The following CDK9 variants were observed in gnomAD, a reference collection of about 807,000 sequenced individuals.
CDK9 encodes the protein cyclin-dependent kinase 9.
Under a neutral mutation model 39.0 loss-of-function variants are expected in CDK9, and 34 were observed. The observed-to-expected ratio is 0.87, with a 90% CI of 0.66 to 1.16. The LOEUF (loss-of-function observed/expected upper bound fraction) is 1.16. Among genes scored for constraint, CDK9 ranks in the 50% most tolerant of loss-of-function variants. The pLI, the probability that CDK9 is intolerant of heterozygous loss-of-function variation, is 0.00. For missense variants in CDK9, 369 were observed against 503.2 expected, an observed-to-expected ratio of 0.73 and a Z score of 2.55; for synonymous variants, 233 against 196.2, an observed-to-expected ratio of 1.19 and a Z score of -1.57.
intron 1 of CDK9, 117 bp downstream of exon 1, chr9:127,786,357 C>T: frequency 7.8e-6 from 7 of 892,000 alleles, no homozygotes; most frequent in South Asian, 1.4e-5. Flanking sequence ...GGCTTGCCTG[C>T]TGGTCTCTAG....
Position 127,789,026 on chromosome 9 carries a change from C to A in CDK9, c.754-152C>A. ...ACCTGGCACGTGGTATGTGCCAATC[C>A]ATAGCGGGCACTGCTTCTGGGAGGG... On this transcript the variant is annotated intron_variant, in intron 6 of 6. Transcript: ENST00000373264. The surrounding 1 kb of genome is among the most constrained non-coding windows in gnomAD (Gnocchi z 5.2). 1.0e-6 allele frequency: 1 copy of A among 996,150 alleles called. No individual in the cohort carries two copies. The highest frequency in any genetic ancestry group is 1.4e-6 in the Non-Finnish European group (1 of 690,042). The allele number at this position is 996,150 out of a possible 1,614,324, so 61.7% of individuals were successfully genotyped here.
intron 1 of CDK9, 44 bp downstream of exon 1, chr9:127,786,284 C>A: frequency 1.3e-6 from 2 of 1,505,880 alleles, no homozygotes; most frequent in Non-Finnish European, 9.1e-7. Context: ...GGCCTGCACC[C>A]CTAGGGCCGA....
At position 127,789,197 on chromosome 9, in the gene CDK9, A is replaced by C; in HGVS notation, c.773A>C (p.Asn258Thr). The C allele has an allele frequency of 4.4e-6, 7 of 1,598,324 alleles. No individual in the cohort carries two copies. The highest frequency in any genetic ancestry group is 6.0e-6 in the Non-Finnish European group (7 of 1,169,874). The change falls in exon 7 of 7, where the codon AAC (asparagine) becomes ACC (threonine). Residue 258 changes from asparagine to threonine, a missense_variant. Coordinates refer to ENST00000373264, the MANE Select transcript of CDK9 (RefSeq NM_001261.4). This position sits in a 1 kb window ranked among gnomAD's most constrained non-coding sequence, Gnocchi z 5.2. Reference protein sequence around the residue: ...ITPEVWPNVDNYELYEKLELV... With the variant: ...ITPEVWPNVDTYELYEKLELV... ...TCCCAGGTGTGGCCAAACGTGGACAACTATGAGCTGTACGAAAAGCTGGAG... is the reference window on the plus strand; with the variant it reads ...TCCCAGGTGTGGCCAAACGTGGACACCTATGAGCTGTACGAAAAGCTGGAG...
chr9:127,786,406 G>T (rs1829319569), intron 1 of CDK9, among the ~76,000 whole-genome samples, 166 bp downstream of exon 1: 1 of 152,282 alleles, frequency 6.6e-6, no homozygotes, highest in South Asian at 2.1e-4. Context: ...GGAGCCGGCT[G>T]GTGGGGAGGA....
rs749639384 is a variant in CDK9, at chr9:127,788,372, G to A, written c.591G>A (p.Pro197=). ...NRVVTLWYRP[P]ELLLGERDYG... ...TGGTGACACTCTGGTACCGGCCCCC[G>A]GAGCTGTTGCTCGGTGAGGACTCCC... Residue 197 remains proline, a synonymous_variant, in exon 5 of 7, where the codon CCG becomes CCA. Transcript: ENST00000373264. 1.2e-5 allele frequency: 19 copies of A among 1,612,144 alleles called. No homozygotes were observed. The highest frequency in any genetic ancestry group is 3.3e-5 in the South Asian group (3 of 91,006).
At chr9:127,787,902 G>A in intron 3 of CDK9, 45 bp from the exon 4 acceptor site, 1 of 1,598,284 alleles carries the variant, frequency 6.3e-7, no homozygotes, top group Non-Finnish European at 8.6e-7. Context: ...AAAGTGTGTT[G>A]GGTGTGGTTT....
chr9:127,789,036 A>G lies in CDK9; in HGVS notation c.754-142A>G. On this transcript the variant is annotated intron_variant, in intron 6 of 6. Transcript: ENST00000373264. The surrounding 1 kb of genome is among the most constrained non-coding windows in gnomAD (Gnocchi z 5.2). ...TGGTATGTGCCAATCCATAGCGGGC[A>G]CTGCTTCTGGGAGGGGTCGAGTAGC... is the stretch of plus-strand genomic sequence containing the variant. The G allele has an allele frequency of 2.7e-6, 3 of 1,096,538 alleles. No individual in the cohort carries two copies. Among genetic ancestry groups the G allele is most frequent in the South Asian group, 3.2e-5 (2 of 61,974 alleles). The allele number at this position is 1,096,538 out of a possible 1,614,324, so 67.9% of individuals were successfully genotyped here.
Position 127,789,656 on chromosome 9 carries a change from C to T in CDK9, c.*113C>T, listed in dbSNP as rs1210521886. 2 of 1,369,802 alleles carry T rather than the reference C, an allele frequency of 1.5e-6. No individual in the cohort carries two copies. Among genetic ancestry groups the T allele is most frequent in the Non-Finnish European group, 9.8e-7 (1 of 1,023,146 alleles). 84.9% of individuals were successfully genotyped at this position (1,369,802 alleles called of 1,614,324 possible). ...CTCTCATGCATATTTTATTTAATCC[C>T]CACCCTGGGCTCTGGGAGCAGCCCG... On this transcript the variant is annotated 3_prime_UTR_variant, in exon 7 of 7. Coordinates refer to ENST00000373264, the MANE Select transcript of CDK9 (RefSeq NM_001261.4). The surrounding 1 kb of genome is among the most constrained non-coding windows in gnomAD (Gnocchi z 5.2).
At position 127,788,331 on chromosome 9, in the gene CDK9, C is replaced by A. The variant is rs1829368021; in HGVS notation, c.550C>A (p.Arg184Ser). 1 of 1,613,066 alleles carries A rather than the reference C, an allele frequency of 6.2e-7. No homozygotes were observed. Among genetic ancestry groups the A allele is most frequent in the Admixed American group, 1.7e-5 (1 of 59,982 alleles). Residue 184 changes from arginine to serine, a missense_variant, in exon 5 of 7, where the codon CGC becomes AGC. Transcript: ENST00000373264. The stretch of plus-strand genomic sequence containing the variant: ...CCTGGCCAAGAACAGCCAGCCCAAC[C>A]GCTACACCAACCGTGTGGTGACACT... ...FSLAKNSQPN[R>S]YTNRVVTLWY...
intron 5 of CDK9, 39 bp from the exon 6 acceptor site, chr9:127,788,505 C>T (rs373459693): frequency 1.2e-4 from 177 of 1,533,000 alleles, no homozygotes; most frequent in African/African-American, 5.7e-4. Context: ...AGGAGGCCCT[C>T]GGGCTCAAGG....
chr9:127,786,352 G>C (rs1761920364), intron 1 of CDK9, 112 bp downstream of exon 1: 3 of 919,304 alleles, frequency 3.3e-6, no homozygotes, highest in Non-Finnish European at 5.1e-6. Flanking sequence ...CCCCGGGCTT[G>C]CCTGCTGGTC....
rs1829359389 is a variant in CDK9, at chr9:127,787,892, A to G, written c.266-55A>G. On this transcript the variant is annotated intron_variant, in intron 3 of 6. Transcript: ENST00000373264. ...CAGGAAGAAAGAAGCTGGTTGTGGG[A>G]AAGTGTGTTGGGTGTGGTTTTCTTG... The G allele has an allele frequency of 5.1e-6, 8 of 1,581,446 alleles. No homozygotes were observed. In the African/African-American group the frequency reaches 1.1e-4, roughly 21 times the overall value.
Position 127,789,180 on chromosome 9 carries a change from G to A in CDK9, c.756G>A (p.Val252=). 1 of 1,567,458 alleles carries A rather than the reference G, an allele frequency of 6.4e-7. No homozygotes were observed. Among genetic ancestry groups the A allele is most frequent in the African/African-American group, 1.4e-5 (1 of 73,754 alleles). The change falls in exon 7 of 7, where the codon GTG becomes GTA. Residue 252 remains valine, a splice_region_variant and synonymous_variant. Coordinates refer to ENST00000373264, the MANE Select transcript of CDK9 (RefSeq NM_001261.4). The surrounding 1 kb of genome is among the most constrained non-coding windows in gnomAD (Gnocchi z 5.2). ...TCTCAACGCCCCCTCCCTCCCAGGT[G>A]TGGCCAAACGTGGACAACTATGAGC... is the stretch of plus-strand genomic sequence containing the variant. ...SQLCGSITPE[V]WPNVDNYELY...
In CDK9 at chr9:127,789,223, C is replaced by T. The variant is rs1224157868; in HGVS notation, c.799C>T (p.Leu267=). 7 of 1,607,782 alleles carry T rather than the reference C, an allele frequency of 4.4e-6. No homozygotes were observed. The African/African-American group carries it at 5.3e-5, about 12-fold the overall frequency. The change falls in exon 7 of 7, where the codon CTG becomes TTG. Residue 267 remains leucine, a synonymous_variant. Transcript: ENST00000373264. This position sits in a 1 kb window ranked among gnomAD's most constrained non-coding sequence, Gnocchi z 5.2. Reference sequence around the variant, plus strand: ...CTATGAGCTGTACGAAAAGCTGGAGCTGGTCAAGGGCCAGAAGCGGAAGGT... The same window carrying T: ...CTATGAGCTGTACGAAAAGCTGGAGTTGGTCAAGGGCCAGAAGCGGAAGGT... ...DNYELYEKLE[L]VKGQKRKVKD...
Position 127,788,052 on chromosome 9 carries a change from C to T in CDK9, c.371C>T (p.Ser124Phe). Residue 124 changes from serine to phenylalanine, a missense_variant, in exon 4 of 7, where the codon TCT (serine) becomes TTT (phenylalanine). Ser to Phe is a radical substitution (Grantham distance 155, BLOSUM62 -2). Coordinates refer to ENST00000373264, the MANE Select transcript of CDK9 (RefSeq NM_001261.4). ...AATGTTTTGGTCAAGTTCACGCTGTCTGAGATCAAGAGGGTGATGCAGATG... is the reference window on the plus strand; with the variant it reads ...AATGTTTTGGTCAAGTTCACGCTGTTTGAGATCAAGAGGGTGATGCAGATG... ...LSNVLVKFTL[S>F]EIKRVMQMLL... 6.2e-7 allele frequency: 1 copy of T among 1,614,196 alleles called. No homozygotes were observed. The highest frequency in any genetic ancestry group is 8.5e-7 in the Non-Finnish European group (1 of 1,180,038).
rs745870791 is a variant in CDK9, at chr9:127,789,290, T to C, written c.866T>C (p.Leu289Pro). Residue 289 changes from leucine to proline, a missense_variant, in exon 7 of 7, where the codon CTG (leucine) becomes CCG (proline). Transcript: ENST00000373264. This position sits in a 1 kb window ranked among gnomAD's most constrained non-coding sequence, Gnocchi z 5.2. The part of the protein sequence containing the change: ...LKAYVRDPYA[L>P]DLIDKLLVLD... ...GCCTATGTGCGTGACCCATACGCAC[T>C]GGACCTCATCGACAAGCTGCTGGTG... The C allele has an allele frequency of 6.2e-7, 1 of 1,613,980 alleles. No homozygotes were observed. Among genetic ancestry groups the C allele is most frequent in the Admixed American group, 1.7e-5 (1 of 60,010 alleles).
rs753143249 is a variant in CDK9 at position 127,788,709 on chromosome 9, C to A, written c.753+17C>A. 1.3e-6 allele frequency: 2 copies of A among 1,575,616 alleles called. No individual in the cohort carries two copies. The highest frequency in any genetic ancestry group is 2.2e-5 in the East Asian group (1 of 44,458). Reference sequence around the variant, plus strand: ...ACCCCTGAGGTACGGGGCCCCGGTCCCCACGGGGTGCAGAGATCGAGGTCC... The same window carrying A: ...ACCCCTGAGGTACGGGGCCCCGGTCACCACGGGGTGCAGAGATCGAGGTCC... On this transcript the variant is annotated intron_variant, in intron 6 of 6. Coordinates refer to ENST00000373264, the MANE Select transcript of CDK9 (RefSeq NM_001261.4).
chr9:127,786,693 G>A lies in CDK9; in HGVS notation c.93-8G>A, dbSNP rs201862836. On this transcript the variant is annotated splice_region_variant and splice_polypyrimidine_tract_variant and intron_variant, in intron 1 of 6. Transcript: ENST00000373264. ...GATGAGTTCTCGGGTCTCCCTTTCC[G>A]CCTGCAGGGAGGTGTTCAAGGCCAG... 1 of 1,613,110 alleles carries A rather than the reference G, an allele frequency of 6.2e-7. No individual in the cohort carries two copies. The highest frequency in any genetic ancestry group is 8.5e-7 in the Non-Finnish European group (1 of 1,179,598).
At chr9:127,787,867 C>A in intron 3 of CDK9, 80 bp from the exon 4 acceptor site, 1 of 1,480,264 alleles carries the variant, frequency 6.8e-7, no homozygotes, top group Non-Finnish European at 9.4e-7. Context: ...TGGGTTGGAG[C>A]AGGAAGAAAG....
Sources: allele counts gnomAD v4.1 joint callset (sites outside exome capture counted in the v4.1 genomes callset), GRCh38; gene constraint gnomAD v4.1.1; non-coding constraint Gnocchi (gnomAD v3.1); transcripts MANE v1.5; gene names NCBI Gene and HGNC (gene_info 2026-07-23, HGNC 2026-07-21).